CGN: variants seen among roughly 807,000 people sequenced by gnomAD.
The protein encoded by CGN is cingulin.
Under a neutral mutation model 157.1 loss-of-function variants are expected in CGN, and 121 were observed. The observed-to-expected ratio is 0.77, with a 90% CI of 0.66 to 0.90. The LOEUF is 0.90. Among genes scored for constraint, CGN ranks in the 40% least tolerant of loss-of-function variants. CGN has a pLI of 0.00. For missense variants in CGN, 1,424 were observed against 1,520.9 expected, an observed-to-expected ratio of 0.94 and a Z score of 1.06; for synonymous variants, 535 against 607.5, an observed-to-expected ratio of 0.88 and a Z score of 1.76.
At chr1:151,510,271 A>C (rs1664252774), upstream of CGN, among the ~76,000 whole-genome samples, 2 of 152,170 alleles carry the variant, frequency 1.3e-5, no homozygotes, top group African/African-American at 4.8e-5. Flanking sequence ...CCGAGAATAC[A>C]CCGGAATCTG....
intron 16 of CGN, 73 bp from the exon 17 acceptor site, chr1:151,535,527 G>C: frequency 8.2e-7 from 1 of 1,214,546 alleles, no homozygotes; most frequent in Non-Finnish European, 1.2e-6. Flanking sequence ...CCATGACTCA[G>C]CCTCACTTTG....
rs983451633 is a variant in CGN, at chr1:151,536,660, G to A, written c.3307-70G>A. 7.3e-6 allele frequency: 11 copies of A among 1,512,050 alleles called. No individual in the cohort carries two copies. The African/African-American group carries it at 1.5e-4, about 21-fold the overall frequency. 93.7% of individuals were successfully genotyped at this position (1,512,050 alleles called of 1,614,324 possible). On this transcript the variant is annotated intron_variant, in intron 19 of 20. Transcript: ENST00000271636. ...GCGGCAATTATACCTTGTCAAGATT[G>A]TTATGGGGGAGGGTCCCAGGCCATG...
In CGN at chr1:151,537,309, T is replaced by G. The variant is rs1664991262; in HGVS notation, c.3575T>G (p.Leu1192Arg). The change falls in exon 21 of 21, where the codon CTG becomes CGG. Residue 1192 changes from leucine to arginine, a missense_variant. By Grantham distance (102) the Leu-to-Arg change is moderately radical. Transcript: ENST00000271636. ...TACGATCCCTCGTCCATTGCATCAC[T>G]GCTTACGGAGAGCAACCTACAGACC... Reference protein sequence around the residue: ...SVYDPSSIASLLTESNLQTSS... With the variant: ...SVYDPSSIASRLTESNLQTSS... 2 of 1,614,132 alleles carry G rather than the reference T, an allele frequency of 1.2e-6. No individual in the cohort carries two copies. The highest frequency in any genetic ancestry group is 2.2e-5 in the East Asian group (1 of 44,888).
In CGN at chr1:151,526,929, C is replaced by G. The variant is rs373983683; in HGVS notation, c.1764-46C>G. ...ATGCTAACCTCCCCCAGGCATGTGG[C>G]CTTACTCTGTTCCCTTTCCCCTTTA... On this transcript the variant is annotated intron_variant, in intron 9 of 20. Transcript: ENST00000271636. 2.5e-6 allele frequency: 4 copies of G among 1,613,198 alleles called. No individual in the cohort carries two copies. The African/African-American group carries it at 5.3e-5, about 22-fold the overall frequency.
rs892303538 is a variant in CGN, at chr1:151,520,264, G to A, written c.972G>A (p.Glu324=). The A allele has an allele frequency of 6.2e-7, 1 of 1,611,754 alleles. No individual in the cohort carries two copies. Among genetic ancestry groups the A allele is most frequent in the Admixed American group, 1.7e-5 (1 of 59,942 alleles). Residue 324 remains glutamate, a splice_region_variant and synonymous_variant, in exon 3 of 21, where the codon GAG becomes GAA. Transcript: ENST00000271636. ...MKATIYGILR[E]GSSESETSVR... is the part of the protein sequence containing the mutation. ...CCACCATCTATGGCATCCTGAGGGA[G>A]GGGTGAGTGGGGGCCCCCCCAACAA...
intron 1 of CGN, among the ~76,000 whole-genome samples, chr1:151,517,312 C>T (rs1454000135): frequency 6.6e-6 from 1 of 152,128 alleles, no homozygotes; most frequent in Non-Finnish European, 1.5e-5. Flanking sequence ...TCAGTTCCTC[C>T]ACCTCAAAGG....
In CGN at chr1:151,538,240, C is replaced by T. The variant is rs2102506668; in HGVS notation, c.*894C>T. 6.6e-6 allele frequency: 1 copy of T among 152,358 alleles called. No homozygotes were observed. Among genetic ancestry groups the T allele is most frequent in the East Asian group, 1.9e-4 (1 of 5,186 alleles). 9.4% of individuals were successfully genotyped at this position (152,358 alleles called of 1,614,324 possible). On this transcript the variant is annotated 3_prime_UTR_variant, in exon 21 of 21. Transcript: ENST00000271636. ...TATAAGGTGGTTGCACCTGGGAGCC[C>T]TGACAACTGGCTGCACAAATTCCAA... is the stretch of plus-strand genomic sequence containing the variant.
intron 6 of CGN, among the ~76,000 whole-genome samples, chr1:151,523,897 G>C (rs1664602461): frequency 6.6e-6 from 1 of 152,184 alleles, no homozygotes; most frequent in Non-Finnish European, 1.5e-5. Flanking sequence ...GCTGTGACAG[G>C]CATTAATCTA....
intron 9 of CGN, 39 bp from the exon 10 acceptor site, chr1:151,526,936 C>G: frequency 6.2e-7 from 1 of 1,613,836 alleles, no homozygotes; most frequent in South Asian, 1.1e-5. Context: ...TGGCCTTACT[C>G]TGTTCCCTTT....
chr1:151,536,649 T>G, intron 19 of CGN, 81 bp from the exon 20 acceptor site: 1 of 1,446,898 alleles, frequency 6.9e-7, no homozygotes, highest in Non-Finnish European at 9.5e-7. Context: ...CAATTATACC[T>G]TGTCAAGATT....
rs764377450 is a variant in CGN, at chr1:151,519,358, C to T, written c.839C>T (p.Pro280Leu). 18 of 1,602,990 alleles carry T rather than the reference C, an allele frequency of 1.1e-5. No homozygotes were observed. The highest frequency in any genetic ancestry group is 3.3e-5 in the South Asian group (3 of 90,950). Residue 280 changes from proline to leucine, a missense_variant, in exon 2 of 21, where the codon CCG becomes CTG. Pro to Leu is a moderately conservative substitution (Grantham distance 98). This residue lies in a region of CGN where 1,187 missense variants were observed against 1,217.6 expected (regional missense o/e 0.97). Coordinates refer to ENST00000271636, the MANE Select transcript of CGN (RefSeq NM_020770.3). ...QDWVLQSFEEPRRSAQDPTML... is the reference protein window; with the variant it reads ...QDWVLQSFEELRRSAQDPTML... ...TGGGTCCTTCAGAGTTTTGAGGAGCCGCGGAGGAGTGCACAGGACCCCACC... is the reference window on the plus strand; with the variant it reads ...TGGGTCCTTCAGAGTTTTGAGGAGCTGCGGAGGAGTGCACAGGACCCCACC...
intron 8 of CGN, 115 bp from the exon 9 acceptor site, chr1:151,525,527 T>C: frequency 1.5e-6 from 1 of 688,734 alleles, no homozygotes; most frequent in Non-Finnish European, 2.2e-6. Flanking sequence ...TGTCAGGGGG[T>C]GCACCTGGCA....
rs1205050585 is a variant in CGN at position 151,524,033 on chromosome 1, G to A, written c.1269-193G>A. Among the ~76,000 whole-genome samples the A allele has an allele frequency of 1.3e-5, 2 of 152,174 alleles. No individual in the cohort carries two copies. Among genetic ancestry groups the A allele is most frequent in the Non-Finnish European group, 2.9e-5 (2 of 68,034 alleles). Reference sequence around the variant, plus strand: ...CAAGTAAATTTGTAACACACGAGAAGGCAGTAAATACAACAGGGTAAGGCA... The same window carrying A: ...CAAGTAAATTTGTAACACACGAGAAAGCAGTAAATACAACAGGGTAAGGCA... On this transcript the variant is annotated intron_variant, in intron 6 of 20. Transcript: ENST00000271636. The surrounding 1 kb of genome is among the most constrained non-coding windows in gnomAD (Gnocchi z 4.4).
chr1:151,532,611 T>TA, intron 14 of CGN, 39 bp downstream of exon 14: 1,168 of 621,248 alleles, frequency 1.9e-3, no homozygotes, highest in Non-Finnish European at 2.6e-3. Context: ...GGTCCTTGCC[T>TA]CTTTTTTTTT....
At position 151,534,041 on chromosome 1, in the gene CGN, G is replaced by GAGCTACTGGCCCAGC. The variant is rs1553246978; in HGVS notation, c.2810_2824dup (p.Gln941_Arg942insGlnLeuLeuAlaGln). The GAGCTACTGGCCCAGC allele has an allele frequency of 6.2e-7, 1 of 1,613,620 alleles. No individual in the cohort carries two copies. Among genetic ancestry groups the GAGCTACTGGCCCAGC allele is most frequent in the Admixed American group, 1.7e-5 (1 of 59,968 alleles). ...GCGGGACACAGCCCGGCTGGACAAA[G>GAGCTACTGGCCCAGC]AGCTACTGGCCCAGCGACTGCAGGG... On this transcript the variant is annotated inframe_insertion, in exon 15 of 21. Transcript: ENST00000271636.
intron 5 of CGN, 36 bp downstream of exon 5, chr1:151,520,727 A>C: frequency 6.4e-7 from 1 of 1,556,416 alleles, no homozygotes; most frequent in Non-Finnish European, 8.8e-7. Flanking sequence ...GGCATGAAGG[A>C]AAACAGGGAA....
At position 151,534,758 on chromosome 1, in the gene CGN, C is replaced by T. The variant is rs566746757; in HGVS notation, c.2905-284C>T. On this transcript the variant is annotated intron_variant, in intron 15 of 20. Coordinates refer to ENST00000271636, the MANE Select transcript of CGN (RefSeq NM_020770.3). ...GGTACTTGGGTTTCTCTCTCTTTTC[C>T]CATTAGAGAAATAAGGTTTTCCAAT... 6.5e-5 allele frequency: 24 copies of T among 369,082 alleles called. No homozygotes were observed. The South Asian group carries it at 7.1e-4, about 11-fold the overall frequency. The allele number at this position is 369,082 out of a possible 1,614,324, so 22.9% of individuals were successfully genotyped here.
rs376102776 is a variant in CGN, at chr1:151,520,647, C to T, written c.1096C>T (p.Arg366Ter). Residue 366 changes from arginine to a stop codon, truncating the protein, a stop_gained, in exon 5 of 21, where the codon CGA becomes TGA. Coordinates refer to ENST00000271636, the MANE Select transcript of CGN (RefSeq NM_020770.3). LOFTEE classifies it high-confidence loss of function. Reference sequence around the variant, plus strand: ...CGTGGCAGGGCAGGGTGAGCTTACCCGAAAAGTGGAGGAGCTACAGCGAAA... The same window carrying T: ...CGTGGCAGGGCAGGGTGAGCTTACCTGAAAAGTGGAGGAGCTACAGCGAAA... ...KAVAGQGELT[R>*]KVEELQRKLD... is the part of the protein sequence containing the mutation. The T allele has an allele frequency of 3.7e-5, 59 of 1,614,014 alleles. No individual in the cohort carries two copies. The highest frequency in any genetic ancestry group is 1.1e-4 in the East Asian group (5 of 44,882).
At chr1:151,526,379 A>G (rs147421891) in intron 9 of CGN, among the ~76,000 whole-genome samples, 37 of 148,034 alleles carry the variant, frequency 2.5e-4, no homozygotes, top group Non-Finnish European at 4.3e-4. Context: ...GTTTCACCAT[A>G]TTGGCCAGGC....
Sources: allele counts gnomAD v4.1 joint callset (sites outside exome capture counted in the v4.1 genomes callset), GRCh38; gene constraint gnomAD v4.1.1; regional missense constraint gnomAD v4.1.1; non-coding constraint Gnocchi (gnomAD v3.1); transcripts MANE v1.5; gene names NCBI Gene and HGNC (gene_info 2026-07-23, HGNC 2026-07-21).